The following PADI6 variants were observed in gnomAD, a reference collection of about 807,000 sequenced individuals.
PADI6 encodes the protein peptidyl arginine deiminase 6, also known as inactive protein-arginine deiminase type-6.
Under a neutral mutation model 78.2 loss-of-function variants are expected in PADI6, and 66 were observed. The ratio of observed to expected loss-of-function variants is 0.84; its 90% confidence interval spans 0.69 to 1.04. PADI6 has a LOEUF of 1.04. PADI6 is among the 50% of genes least tolerant of loss of function. The pLI is 0.00. For missense variants in PADI6, 854 were observed against 866.1 expected, an observed-to-expected ratio of 0.99 and a Z score of 0.18; for synonymous variants, 397 against 346.9, an observed-to-expected ratio of 1.14 and a Z score of -1.60.
At chr1:17,399,822 G>A (rs973998477) in intron 15 of PADI6, among the ~76,000 whole-genome samples, 6 of 152,012 alleles carry the variant, frequency 3.9e-5, no homozygotes, top group African/African-American at 9.7e-5. Context: ...TGGATCACTT[G>A]AAGTCTGAAG....
intron 7 of PADI6, 96 bp downstream of exon 7, chr1:17,388,655 G>A (rs2075151209): frequency 2.7e-6 from 4 of 1,459,706 alleles, no homozygotes; most frequent in Non-Finnish European, 3.7e-6. Flanking sequence ...TTTGCTGGGG[G>A]AGAGCTGCAG....
At chr1:17,376,963 T>C (rs2075025513) in intron 3 of PADI6, among the ~76,000 whole-genome samples, 1 of 152,068 alleles carries the variant, frequency 6.6e-6, no homozygotes. Flanking sequence ...CATGGCTCAT[T>C]GCAGCCTCAA....
chr1:17,401,428 T>A lies in PADI6; in HGVS notation c.2075T>A (p.Met692Lys). ...CCCTTTGCCTTCAAATGGTGGAAGA[T>A]GGTACCTTAGACCCAGGCCCTGGAG... ...RVPFAFKWWKMVP is the reference protein window; with the variant it reads ...RVPFAFKWWKKVP Residue 692 changes from methionine (M) to lysine (K), a missense_variant, in exon 16 of 16, where the codon ATG (methionine) becomes AAG (lysine). Coordinates refer to ENST00000619609, the MANE Select transcript of PADI6 (RefSeq NM_207421.4). 6.2e-7 allele frequency: 1 copy of A among 1,613,868 alleles called. No individual in the cohort carries two copies. Among genetic ancestry groups the A allele is most frequent in the African/African-American group, 1.3e-5 (1 of 75,050 alleles).
Position 17,394,363 on chromosome 1 carries a change from A to C in PADI6, c.1246A>C (p.Ile416Leu). ...CCATAAAGTGGCCAGCATGGATTCC[A>C]TTGGGAACCTGATGGTGTCCCCACC... ...EDHKVASMDS[I>L]GNLMVSPPVK... Residue 416 changes from isoleucine to leucine, a missense_variant, in exon 11 of 16, where the codon ATT (isoleucine) becomes CTT (leucine). By Grantham distance (5) the Ile-to-Leu change is conservative (BLOSUM62 2). Transcript: ENST00000619609. 1 of 1,613,824 alleles carries C rather than the reference A, an allele frequency of 6.2e-7. No individual in the cohort carries two copies. Among genetic ancestry groups the C allele is most frequent in the Non-Finnish European group, 8.5e-7 (1 of 1,179,818 alleles).
chr1:17,379,063 G>T (rs2075046710), intron 3 of PADI6, among the ~76,000 whole-genome samples: 1 of 150,996 alleles, frequency 6.6e-6, no homozygotes, highest in African/African-American at 2.4e-5. Flanking sequence ...TCCTGCCTTG[G>T]CTTCCCAAGA....
chr1:17,393,965 T>C lies in PADI6; in HGVS notation c.1075-10T>C, dbSNP rs2100319988. On this transcript the variant is annotated splice_polypyrimidine_tract_variant and intron_variant, in intron 9 of 15. Transcript: ENST00000619609. Reference sequence around the variant, plus strand: ...GACTGGCAAACAATCTGTCTTCCTCTCCATTCCAGGATGAGATGGCCTTCT... The same window carrying C: ...GACTGGCAAACAATCTGTCTTCCTCCCCATTCCAGGATGAGATGGCCTTCT... The C allele has an allele frequency of 1.2e-6, 2 of 1,610,966 alleles. No individual in the cohort carries two copies. The highest frequency in any genetic ancestry group is 4.5e-5 in the East Asian group (2 of 44,850).
At position 17,398,537 on chromosome 1, in the gene PADI6, G is replaced by A. The variant is rs543628701; in HGVS notation, c.1690-149G>A. On this transcript the variant is annotated intron_variant, in intron 14 of 15. Transcript: ENST00000619609. ...GCCTATTTCGTAAGGCTGGTATGAA[G>A]TGTGAGGCTCCTGGCACACAGCAAG... The A allele has an allele frequency of 6.6e-4, 381 of 574,318 alleles. 4 individuals carry two copies. In the Middle Eastern group the frequency reaches 6.8e-3, roughly 10 times the overall value. 35.6% of individuals were successfully genotyped at this position (574,318 alleles called of 1,614,324 possible).
At position 17,379,939 on chromosome 1, in the gene PADI6, C is replaced by T; in HGVS notation, c.387C>T (p.Asp129=). The change falls in exon 4 of 16, where the codon GAC becomes GAT. Residue 129 remains aspartate, a synonymous_variant. Transcript: ENST00000619609. ...TTTCAGAGGTCTCTCTAGAGGTAGACATCTACCGCAATGGGCAAGTTGAGA... is the reference window on the plus strand; with the variant it reads ...TTTCAGAGGTCTCTCTAGAGGTAGATATCTACCGCAATGGGCAAGTTGAGA... ...LTGIEVSLEV[D]IYRNGQVEMS... The T allele has an allele frequency of 6.2e-7, 1 of 1,613,528 alleles. No individual in the cohort carries two copies. Among genetic ancestry groups the T allele is most frequent in the Non-Finnish European group, 8.5e-7 (1 of 1,179,566 alleles).
At chr1:17,380,916 A>G in intron 4 of PADI6, 131 bp from the exon 5 acceptor site, 1 of 685,792 alleles carries the variant, frequency 1.5e-6, no homozygotes, top group East Asian at 2.9e-5. Context: ...TCTTGACCTC[A>G]CCAGTCCTGT....
At chr1:17,374,415 C>T (rs928552755) in intron 2 of PADI6, among the ~76,000 whole-genome samples, 5 of 152,028 alleles carry the variant, frequency 3.3e-5, no homozygotes, top group African/African-American at 7.3e-5. Context: ...CACCTGAGGT[C>T]GGGAGTTTGA....
intron 2 of PADI6, 92 bp downstream of exon 2, chr1:17,373,325 G>A: frequency 6.9e-7 from 1 of 1,448,762 alleles, no homozygotes; most frequent in Non-Finnish European, 9.4e-7. Flanking sequence ...CGTGACTCGA[G>A]CCTGGGAAAC....
intron 15 of PADI6, among the ~76,000 whole-genome samples, chr1:17,399,729 T>TAAAA (rs71575834): frequency 2.5e-4 from 37 of 147,690 alleles, no homozygotes; most frequent in East Asian, 8.1e-4. Flanking sequence ...CCTGCAACTT[T>TAAAA]AAAAAAAAGA....
At chr1:17,388,278 C>T (rs2075142810) in intron 6 of PADI6, 103 bp from the exon 7 acceptor site, 20 of 1,120,852 alleles carry the variant, frequency 1.8e-5, no homozygotes, top group Non-Finnish European at 7.4e-6. Context: ...CTGGAACTCA[C>T]AGCCTTGCAT....
At chr1:17,386,098 CTG>C (rs1310119064) in intron 6 of PADI6, among the ~76,000 whole-genome samples, 14 of 152,068 alleles carry the variant, frequency 9.2e-5, no homozygotes, top group African/African-American at 3.4e-4. Flanking sequence ...CTGGGCAGCT[CTG>C]TGAGGACTGA....
intron 2 of PADI6, among the ~76,000 whole-genome samples, chr1:17,374,512 G>C (rs940970049): frequency 6.6e-6 from 1 of 152,168 alleles, no homozygotes; most frequent in Non-Finnish European, 1.5e-5. Flanking sequence ...TGTAATCTCA[G>C]GTTCTCAGGA....
intron 6 of PADI6, among the ~76,000 whole-genome samples, chr1:17,384,818 C>T (rs1042542395): frequency 6.6e-6 from 1 of 152,196 alleles, no homozygotes; most frequent in Non-Finnish European, 1.5e-5. Flanking sequence ...TCATCAGTGA[C>T]CCTGATAATA....
intron 6 of PADI6, 142 bp downstream of exon 6, chr1:17,382,234 TTG>T: frequency 5.3e-6 from 6 of 1,137,646 alleles, no homozygotes; most frequent in Non-Finnish European, 6.2e-6. Context: ...GTGGCTGTAC[TTG>T]TGTTTCCAGG....
At chr1:17,398,582 G>A (rs2075268914) in intron 14 of PADI6, 104 bp from the exon 15 acceptor site, 2 of 699,870 alleles carry the variant, frequency 2.9e-6, no homozygotes, top group African/African-American at 3.5e-5. Context: ...TGGTAGTGGT[G>A]TCAGGCCATC....
intron 14 of PADI6, among the ~76,000 whole-genome samples, chr1:17,397,427 C>CT (rs995814069): frequency 3.9e-5 from 6 of 152,124 alleles, no homozygotes; most frequent in African/African-American, 1.4e-4. Flanking sequence ...ACACAGCTTT[C>CT]TATGGTGTCA....
Sources: gnomAD v4.1 joint callset for allele counts (sites outside exome capture counted in the v4.1 genomes callset) on GRCh38, gnomAD v4.1.1 for gene constraint, MANE v1.5 for transcripts, NCBI Gene and HGNC (gene_info 2026-07-23, HGNC 2026-07-21) for gene names.